Variants in CACNG4 observed in about 807,000 individuals in gnomAD.
CACNG4 encodes calcium voltage-gated channel auxiliary subunit gamma 4, also known as voltage-dependent calcium channel gamma-4 subunit.
Under a neutral mutation model 22.9 loss-of-function variants are expected in CACNG4, and 8 were observed. That is an observed-to-expected ratio of 0.35 (90% CI 0.21 to 0.63). The LOEUF is 0.63. Ranked by LOEUF, CACNG4 falls within the 30% of genes least tolerant of loss-of-function variation. The probability of loss-of-function intolerance (pLI) is 0.72; values close to 1 mark genes in which losing one functional copy is unlikely to be tolerated. For missense variants in CACNG4, 357 were observed against 455.4 expected, an observed-to-expected ratio of 0.78 and a Z score of 1.97; for synonymous variants, 188 against 191.9, an observed-to-expected ratio of 0.98 and a Z score of 0.17.
At chr17:66,995,850 G>GAA (rs11393480) in intron 1 of CACNG4, among the ~76,000 whole-genome samples, 88 of 150,068 alleles carry the variant, frequency 5.9e-4, no homozygotes, top group African/African-American at 2.0e-3. Flanking sequence ...ACTCCATCTT[G>GAA]AAAAAAAAAT....
At chr17:66,996,469 T>C (rs1279619517) in intron 1 of CACNG4, among the ~76,000 whole-genome samples, 7 of 144,644 alleles carry the variant, frequency 4.8e-5, no homozygotes, top group Admixed American at 3.5e-4. Flanking sequence ...AACCTCCGCC[T>C]CCCAGGTTCA....
intron 1 of CACNG4, among the ~76,000 whole-genome samples, chr17:67,010,011 A>C: frequency 1.3e-5 from 2 of 148,288 alleles, no homozygotes; most frequent in Non-Finnish European, 1.5e-5. Context: ...TACCTCCCCC[A>C]TCACTGCTAC....
rs1023020226 is a variant in CACNG4 at position 67,027,857 on chromosome 17, A to G, written c.446-2609A>G. 6.6e-6 allele frequency among the ~76,000 whole-genome samples: 1 copy of G among 151,866 alleles called. No homozygotes were observed. Among genetic ancestry groups the G allele is most frequent in the African/African-American group, 2.4e-5 (1 of 41,338 alleles). On this transcript the variant is annotated intron_variant, in intron 3 of 3. Coordinates refer to ENST00000262138, the MANE Select transcript of CACNG4 (RefSeq NM_014405.4). This position sits in a 1 kb window ranked among gnomAD's most constrained non-coding sequence, Gnocchi z 4.3. ...AACATGGTGAAACCCTGTCTCTACC[A>G]AAAAATACAAAAATTAGCTGGGTTT...
intron 1 of CACNG4, among the ~76,000 whole-genome samples, chr17:67,012,846 G>A (rs959509777): frequency 6.6e-6 from 1 of 152,250 alleles, no homozygotes; most frequent in Admixed American, 6.5e-5. Context: ...GAGGTGGACA[G>A]AAGGGTGACC....
rs375436729 is a variant in CACNG4 at position 67,030,434 on chromosome 17, G to GCCCCGCT, written c.446-17_446-11dup. On this transcript the variant is annotated intron_variant, in intron 3 of 3. Transcript: ENST00000262138. The surrounding 1 kb of genome is among the most constrained non-coding windows in gnomAD (Gnocchi z 6.4). The stretch of plus-strand genomic sequence containing the variant: ...TAACCTCTGCCTCTCTCCCTCCCTG[G>GCCCCGCT]CCCCGCTCCCCGCTCCCCGCTTCCC... 108 of 1,602,212 alleles carry GCCCCGCT rather than the reference G, an allele frequency of 6.7e-5. No individual in the cohort carries two copies. The Admixed American group carries it at 8.2e-4, about 12-fold the overall frequency.
chr17:66,996,032 C>T (rs373098981), intron 1 of CACNG4, among the ~76,000 whole-genome samples: 2 of 152,046 alleles, frequency 1.3e-5, no homozygotes, highest in East Asian at 3.9e-4. Context: ...CCGTTGGATT[C>T]GCCTCTAGGA....
At position 67,030,559 on chromosome 17, in the gene CACNG4, A is replaced by G; in HGVS notation, c.539A>G (p.Asn180Ser). The change falls in exon 4 of 4, where the codon AAC becomes AGC. Residue 180 changes from asparagine to serine, a missense_variant. Around this residue, in one of 3 missense-constraint regions of CACNG4, gnomAD observed 240 missense variants for 277.6 expected, o/e 0.86. Transcript: ENST00000262138. This position sits in a 1 kb window ranked among gnomAD's most constrained non-coding sequence, Gnocchi z 6.4. The stretch of plus-strand genomic sequence containing the variant: ...GACGAAGACAAAAAGAACCATTACA[A>G]CTACGGCTGGTCTTTTTACTTTGGA... ...KRDEDKKNHY[N>S]YGWSFYFGAL... is the part of the protein sequence containing the mutation. 6.2e-7 allele frequency: 1 copy of G among 1,614,106 alleles called. No homozygotes were observed. Among genetic ancestry groups the G allele is most frequent in the Non-Finnish European group, 8.5e-7 (1 of 1,180,002 alleles).
intron 1 of CACNG4, among the ~76,000 whole-genome samples, chr17:66,978,722 C>G (rs556446585): frequency 5.2e-4 from 79 of 152,376 alleles, no homozygotes; most frequent in African/African-American, 1.9e-3. Context: ...CACGCTGTCC[C>G]TGCCTCGCAT....
At chr17:67,011,510 G>C (rs1050707313) in intron 1 of CACNG4, among the ~76,000 whole-genome samples, 7 of 152,126 alleles carry the variant, frequency 4.6e-5, no homozygotes, top group African/African-American at 9.7e-5. Flanking sequence ...TCAACAGCCC[G>C]CCTTGCCCTG....
rs2035603950 is a variant in CACNG4, at chr17:67,031,220, TC to T, written c.*220del. On this transcript the variant is annotated 3_prime_UTR_variant, in exon 4 of 4. Transcript: ENST00000262138. This position sits in a 1 kb window ranked among gnomAD's most constrained non-coding sequence, Gnocchi z 4.0. ...GAAGCTGAAGGCTGACTTTGTCCCCTCCCCGAAAAAGGGTGTTTTGATGCCT... is the reference window on the plus strand; with the variant it reads ...GAAGCTGAAGGCTGACTTTGTCCCCTCCCGAAAAAGGGTGTTTTGATGCCT... 1 of 647,040 alleles carries T rather than the reference TC, an allele frequency of 1.5e-6. No individual in the cohort carries two copies. The highest frequency in any genetic ancestry group is 1.8e-5 in the African/African-American group (1 of 55,352). The allele number at this position is 647,040 out of a possible 1,614,324, so 40.1% of individuals were successfully genotyped here.
At chr17:67,014,221 G>T (rs2035483886) in intron 1 of CACNG4, among the ~76,000 whole-genome samples, 1 of 152,180 alleles carries the variant, frequency 6.6e-6, no homozygotes, top group Non-Finnish European at 1.5e-5. Flanking sequence ...CACAGCAAAT[G>T]GCCCATGTAT....
At chr17:67,022,525 G>A (rs1188299011) in intron 2 of CACNG4, among the ~76,000 whole-genome samples, 2 of 152,220 alleles carry the variant, frequency 1.3e-5, no homozygotes, top group South Asian at 2.1e-4. Context: ...AGGAGGCACC[G>A]GAGAGAAGAA....
At chr17:66,986,137 G>A (rs1200193563) in intron 1 of CACNG4, among the ~76,000 whole-genome samples, 3 of 152,162 alleles carry the variant, frequency 2.0e-5, no homozygotes, top group African/African-American at 4.8e-5. Context: ...TGGTACTATC[G>A]AAACAGAAAG....
intron 2 of CACNG4, among the ~76,000 whole-genome samples, chr17:67,018,698 T>C (rs559006774): frequency 6.6e-6 from 1 of 152,262 alleles, no homozygotes; most frequent in East Asian, 1.9e-4. Flanking sequence ...CTCTCCTGCA[T>C]ACTCTCTTCC....
At position 67,030,960 on chromosome 17, in the gene CACNG4, G is replaced by C; in HGVS notation, c.940G>C (p.Gly314Arg). ...CTTTTTCCAGCAGGACCTGAAGGAA[G>C]GTTTCCACGTCAGCATGCTGAACCG... is the stretch of plus-strand genomic sequence containing the variant. ...HDFFQQDLKEGFHVSMLNRRT... is the reference protein window; with the variant it reads ...HDFFQQDLKERFHVSMLNRRT... Residue 314 changes from glycine to arginine, a missense_variant, in exon 4 of 4, where the codon GGT (glycine) becomes CGT (arginine). Around this residue, in one of 3 missense-constraint regions of CACNG4, gnomAD observed 240 missense variants for 277.6 expected, o/e 0.86. Coordinates refer to ENST00000262138, the MANE Select transcript of CACNG4 (RefSeq NM_014405.4). This position sits in a 1 kb window ranked among gnomAD's most constrained non-coding sequence, Gnocchi z 6.4. 1 of 1,613,838 alleles carries C rather than the reference G, an allele frequency of 6.2e-7. No individual in the cohort carries two copies. The highest frequency in any genetic ancestry group is 1.1e-5 in the South Asian group (1 of 91,086).
chr17:66,979,708 T>A (rs2035259510), intron 1 of CACNG4, among the ~76,000 whole-genome samples: 1 of 151,380 alleles, frequency 6.6e-6, no homozygotes, highest in Admixed American at 6.6e-5. Context: ...TGGGTGTGTA[T>A]GCCGATTTGA....
intron 2 of CACNG4, among the ~76,000 whole-genome samples, chr17:67,020,769 C>T (rs1293200414): frequency 1.3e-5 from 2 of 152,184 alleles, no homozygotes; most frequent in Non-Finnish European, 2.9e-5. Context: ...CCAGGGCCAC[C>T]CTGATTTCTA....
intron 1 of CACNG4, among the ~76,000 whole-genome samples, chr17:66,986,250 C>T (rs2035305204): frequency 6.6e-6 from 1 of 152,226 alleles, no homozygotes; most frequent in Admixed American, 6.5e-5. Flanking sequence ...TGCCTCTGGC[C>T]CTCCTGGCCC....
chr17:67,025,000 G>T lies in CACNG4; in HGVS notation c.445G>T (p.Gly149Cys). 6.3e-7 allele frequency: 1 copy of T among 1,588,108 alleles called. No homozygotes were observed. The highest frequency in any genetic ancestry group is 8.5e-7 in the Non-Finnish European group (1 of 1,170,002). ...LSAGILFVAAGLSNIIGIIVY... is the reference protein window; with the variant it reads ...LSAGILFVAACLSNIIGIIVY... ...TGCCGGCATCCTCTTCGTGGCTGCAGGTGAGCCGCCCGCCCGGGCTGGTGC... is the reference window on the plus strand; with the variant it reads ...TGCCGGCATCCTCTTCGTGGCTGCATGTGAGCCGCCCGCCCGGGCTGGTGC... The change falls in exon 3 of 4, where the codon GGC becomes TGC. Residue 149 changes from glycine (G) to cysteine (C), a missense_variant and splice_region_variant. This residue lies in a region of CACNG4 where 240 missense variants were observed against 277.6 expected (regional missense o/e 0.86). Transcript: ENST00000262138.
Sources: allele counts gnomAD v4.1 joint callset (sites outside exome capture counted in the v4.1 genomes callset), GRCh38; gene constraint gnomAD v4.1.1; regional missense constraint gnomAD v4.1.1; non-coding constraint Gnocchi (gnomAD v3.1); transcripts MANE v1.5; gene names NCBI Gene and HGNC (gene_info 2026-07-23, HGNC 2026-07-21).